The following ACOXL variants were observed in gnomAD, a reference collection of about 807,000 sequenced individuals.
ACOXL encodes acyl-coenzyme A oxidase-like protein.
In ACOXL, 70 loss-of-function variants were observed where a neutral mutation model predicts 71.9. The ratio of observed to expected loss-of-function variants is 0.97; its 90% CI spans 0.80 to 1.19. ACOXL has a LOEUF of 1.19. Among genes scored for constraint, ACOXL ranks in the 50% most tolerant of loss-of-function variants. The pLI, the probability that ACOXL is intolerant of heterozygous loss-of-function variation, is 0.00. For synonymous variants in ACOXL, 253 were observed against 281.6 expected, an observed-to-expected ratio of 0.90 and a Z score of 1.02; for missense variants, 703 against 736.3, an observed-to-expected ratio of 0.95 and a Z score of 0.52.
intron 10 of ACOXL, among the ~76,000 whole-genome samples, chr2:110,897,748 G>A (rs1459627968): frequency 6.6e-6 from 1 of 150,676 alleles, no homozygotes; most frequent in African/African-American, 2.4e-5. Context: ...ATAAAGACAA[G>A]CGCAGAAATC....
chr2:111,100,777 C>T (rs1488256141), intron 17 of ACOXL: 1 of 152,692 alleles, frequency 6.5e-6, no homozygotes, highest in Non-Finnish European at 1.5e-5. Flanking sequence ...AGCCAGCAGC[C>T]TTCGTCTGCC....
At chr2:111,037,604 C>T (rs528160496) in intron 15 of ACOXL, among the ~76,000 whole-genome samples, 96 of 152,318 alleles carry the variant, frequency 6.3e-4, no homozygotes, top group Non-Finnish European at 1.2e-3. Flanking sequence ...AGAAAATATT[C>T]TCTTTGCCAA....
intron 15 of ACOXL, among the ~76,000 whole-genome samples, chr2:111,040,745 A>G (rs899854355): frequency 6.6e-6 from 1 of 152,218 alleles, no homozygotes; most frequent in Non-Finnish European, 1.5e-5. Flanking sequence ...GGTGGAAAGG[A>G]CATTCCGAGC....
At chr2:110,948,074 T>C (rs2061176977) in intron 12 of ACOXL, among the ~76,000 whole-genome samples, 1 of 152,184 alleles carries the variant, frequency 6.6e-6, no homozygotes, top group African/African-American at 2.4e-5. Context: ...TTCTCCTCAG[T>C]GCGTTCCAGA....
At chr2:110,838,504 T>C (rs1162479601) in intron 9 of ACOXL, among the ~76,000 whole-genome samples, 1 of 152,174 alleles carries the variant, frequency 6.6e-6, no homozygotes, top group African/African-American at 2.4e-5. Context: ...GCATCTCATC[T>C]CTCAGCAGAT....
chr2:110,877,029 T>C (rs1696002363), intron 10 of ACOXL, among the ~76,000 whole-genome samples: 1 of 152,374 alleles, frequency 6.6e-6, no homozygotes, highest in Admixed American at 6.5e-5. Flanking sequence ...CTCCCTGGGC[T>C]GTGCCTGGTG....
chr2:111,031,845 G>A (rs1012937969), intron 15 of ACOXL, 131 bp downstream of exon 15: 2 of 881,718 alleles, frequency 2.3e-6, no homozygotes, highest in Non-Finnish European at 3.5e-6. Flanking sequence ...TGAATTTAGG[G>A]CCCCAAGTGA....
intron 10 of ACOXL, among the ~76,000 whole-genome samples, chr2:110,861,832 G>A (rs1023794966): frequency 1.3e-5 from 2 of 152,082 alleles, no homozygotes; most frequent in Admixed American, 6.6e-5. Context: ...TTTTCTCACC[G>A]GGCTGCACCT....
chr2:110,954,331 G>A (rs573516712), intron 12 of ACOXL, among the ~76,000 whole-genome samples: 65 of 152,260 alleles, frequency 4.3e-4, no homozygotes, highest in African/African-American at 1.5e-3. Context: ...TTTAGTCCCA[G>A]TAGTTATTGT....
At chr2:110,745,764 G>A (rs1678115164) in intron 1 of ACOXL, among the ~76,000 whole-genome samples, 1 of 152,228 alleles carries the variant, frequency 6.6e-6, no homozygotes, top group Non-Finnish European at 1.5e-5. Context: ...GAGATGAAGT[G>A]TCATCAATAC....
chr2:110,949,304 GT>G (rs2061236846), intron 12 of ACOXL, among the ~76,000 whole-genome samples: 1 of 149,646 alleles, frequency 6.7e-6, no homozygotes, highest in African/African-American at 2.5e-5. Flanking sequence ...CTTCTCAGTG[GT>G]TACTGTGACA....
At chr2:110,941,864 G>A (rs1479757976) in intron 12 of ACOXL, among the ~76,000 whole-genome samples, 3 of 152,064 alleles carry the variant, frequency 2.0e-5, no homozygotes, top group African/African-American at 7.2e-5. Context: ...TAGAAATATA[G>A]ATTTATACAA....
intron 14 of ACOXL, among the ~76,000 whole-genome samples, chr2:110,997,722 C>T (rs895997965): frequency 1.3e-5 from 2 of 152,176 alleles, no homozygotes; most frequent in African/African-American, 2.4e-5. Context: ...AAAAGATTGG[C>T]GGTCCCTGTG....
At chr2:110,989,808 A>T (rs2063097590) in intron 13 of ACOXL, among the ~76,000 whole-genome samples, 1 of 152,190 alleles carries the variant, frequency 6.6e-6, no homozygotes, top group African/African-American at 2.4e-5. Flanking sequence ...TGGGAGGCTG[A>T]GACGGGTGGA....
chr2:111,004,349 C>T (rs921237124), intron 14 of ACOXL, among the ~76,000 whole-genome samples: 14 of 152,158 alleles, frequency 9.2e-5, no homozygotes, highest in Non-Finnish European at 1.8e-4. Flanking sequence ...GCCCATCTGC[C>T]CCTTACCCGG....
rs1483542533 is a variant in ACOXL at position 110,823,145 on chromosome 2, C to T, written c.753+17750C>T. On this transcript the variant is annotated intron_variant, in intron 9 of 17. Transcript: ENST00000439055. ...GCATGCACCTGTAATCCCAGCTACT[C>T]GGGAGGCTGAGGCAGGAGAATCACT... 5.3e-5 allele frequency among the ~76,000 whole-genome samples: 8 copies of T among 151,530 alleles called. No individual in the cohort carries two copies. The South Asian group carries it at 8.4e-4, about 16-fold the overall frequency.
intron 10 of ACOXL, among the ~76,000 whole-genome samples, chr2:110,883,973 C>T (rs993108969): frequency 5.3e-5 from 8 of 152,074 alleles, no homozygotes; most frequent in African/African-American, 1.7e-4. Context: ...TGGAGTACAA[C>T]GTGGTGTTAC....
chr2:110,895,777 C>T (rs527784571), intron 10 of ACOXL, among the ~76,000 whole-genome samples: 36 of 151,934 alleles, frequency 2.4e-4, no homozygotes, highest in Admixed American at 5.2e-4. Flanking sequence ...AAAGAACTAT[C>T]GAGCCAGAAT....
intron 16 of ACOXL, among the ~76,000 whole-genome samples, chr2:111,059,736 TG>T (rs1205184581): frequency 6.9e-6 from 1 of 144,866 alleles, no homozygotes; most frequent in Non-Finnish European, 1.5e-5. Context: ...CTGAAGAAGC[TG>T]GCAACCTGGA....
Sources: allele counts gnomAD v4.1 joint callset (sites outside exome capture counted in the v4.1 genomes callset), GRCh38; gene constraint gnomAD v4.1.1; transcripts MANE v1.5; gene names NCBI Gene and HGNC (gene_info 2026-07-23, HGNC 2026-07-21).